ZNF736: variants seen among roughly 807,000 people sequenced by gnomAD.
ZNF736 encodes zinc finger protein 736, also known as KRAB-containing zinc-finger repressor protein.
Under a neutral mutation model 11.7 loss-of-function variants are expected in ZNF736, and 6 were observed. That is an observed-to-expected ratio of 0.51 (90% CI 0.28 to 1.01). The LOEUF (loss-of-function observed/expected upper bound fraction) is 1.01. Among genes scored for constraint, ZNF736 ranks in the 50% least tolerant of loss-of-function variants. ZNF736 has a pLI of 0.09. For missense variants in ZNF736, 444 were observed against 496.0 expected (o/e 0.90, Z 1.00); for synonymous variants, 139 against 164.7 (o/e 0.84, Z 1.19).
intron 1 of ZNF736, among the ~76,000 whole-genome samples, chr7:64,317,563 A>T (rs1788934895): frequency 6.6e-6 from 1 of 152,166 alleles, no homozygotes; most frequent in South Asian, 2.1e-4. Context: ...ATTTAGTGGC[A>T]CAGGTACTGG....
At position 64,337,043 on chromosome 7, in the gene ZNF736, C is replaced by T. The variant is rs532322494; in HGVS notation, c.226+61C>T. 1.7e-5 allele frequency: 24 copies of T among 1,390,330 alleles called. No homozygotes were observed. In the South Asian group the frequency reaches 2.8e-4, roughly 16 times the overall value. The allele number at this position is 1,390,330 out of a possible 1,614,324, so 86.1% of individuals were successfully genotyped here. A position where few individuals can be genotyped will look rare whatever the true frequency, so the allele number is the denominator to read the frequency against. On this transcript the variant is annotated intron_variant, in intron 3 of 3. Transcript: ENST00000423484. ...ACGGATCCCAATGTCAAGGAGGAAG[C>T]CAAACCTTTAAACATGCTTCCAGAA... is the stretch of plus-strand genomic sequence containing the variant.
At chr7:64,338,556 C>T (rs1789291804) in intron 3 of ZNF736, among the ~76,000 whole-genome samples, 2 of 152,092 alleles carry the variant, frequency 1.3e-5, no homozygotes, top group Admixed American at 6.6e-5. Context: ...TCTAGGAGTC[C>T]AACCTTATTA....
intron 3 of ZNF736, among the ~76,000 whole-genome samples, chr7:64,342,123 T>A (rs1301373259): frequency 1.3e-5 from 2 of 152,182 alleles, no homozygotes; most frequent in Non-Finnish European, 2.9e-5. Context: ...ATCTAAATAA[T>A]CTAACTGCTC....
intron 3 of ZNF736, among the ~76,000 whole-genome samples, chr7:64,338,196 C>A (rs1173311148): frequency 6.6e-6 from 1 of 152,072 alleles, no homozygotes; most frequent in Non-Finnish European, 1.5e-5. Flanking sequence ...GTGTATGACA[C>A]ACATATAATC....
At position 64,314,096 on chromosome 7, in the gene ZNF736, C is replaced by T. The variant is rs1788876525; in HGVS notation, c.-55C>T. Reference sequence around the variant, plus strand: ...ACTATAGCTTCTGTTATCCTGTGACCTGCAGGTACTGGGAGATCCATAGGG... The same window carrying T: ...ACTATAGCTTCTGTTATCCTGTGACTTGCAGGTACTGGGAGATCCATAGGG... On this transcript the variant is annotated 5_prime_UTR_variant, in exon 1 of 4. Coordinates refer to ENST00000423484, the MANE Select transcript of ZNF736 (RefSeq NM_001170905.3). The T allele has an allele frequency of 1.3e-6, 2 of 1,551,312 alleles. No homozygotes were observed. Among genetic ancestry groups the T allele is most frequent in the East Asian group, 2.4e-5 (1 of 40,918 alleles).
chr7:64,339,659 C>A (rs1369511996), intron 3 of ZNF736, among the ~76,000 whole-genome samples: 1 of 136,036 alleles, frequency 7.4e-6, no homozygotes, highest in Non-Finnish European at 1.7e-5. Context: ...CATTTTTATG[C>A]ACACATCATC....
intron 1 of ZNF736, among the ~76,000 whole-genome samples, chr7:64,324,621 G>C (rs1789058078): frequency 6.6e-6 from 1 of 152,150 alleles, no homozygotes; most frequent in South Asian, 2.1e-4. Context: ...CAAGTGCCTA[G>C]AGGACTTTAG....
intron 3 of ZNF736, among the ~76,000 whole-genome samples, chr7:64,340,303 C>T (rs1789319651): frequency 6.6e-6 from 1 of 152,190 alleles, no homozygotes; most frequent in African/African-American, 2.4e-5. Context: ...TGCAGACCTA[C>T]TGCTGTAACC....
chr7:64,325,206 T>A (rs1275791180), intron 1 of ZNF736, among the ~76,000 whole-genome samples: 1 of 152,158 alleles, frequency 6.6e-6, no homozygotes, highest in Non-Finnish European at 1.5e-5. Context: ...TTGTAACCAA[T>A]TAATTTTTTG....
intron 3 of ZNF736, among the ~76,000 whole-genome samples, chr7:64,347,074 A>G (rs1001450444): frequency 6.6e-6 from 1 of 152,016 alleles, no homozygotes; most frequent in Non-Finnish European, 1.5e-5. Context: ...ATAAAAAGCC[A>G]CATGTCAAAA....
At chr7:64,317,021 A>C (rs1788927305) in intron 1 of ZNF736, among the ~76,000 whole-genome samples, 1 of 152,232 alleles carries the variant, frequency 6.6e-6, no homozygotes, top group Non-Finnish European at 1.5e-5. Flanking sequence ...AAATTACAAA[A>C]CATTCATGAA....
At chr7:64,318,476 G>A (rs185962490) in intron 1 of ZNF736, among the ~76,000 whole-genome samples, 1 of 151,892 alleles carries the variant, frequency 6.6e-6, no homozygotes, top group African/African-American at 2.4e-5. Flanking sequence ...AAAATCTCAT[G>A]AAACAGACTA....
rs1234439504 is a variant in ZNF736, at chr7:64,349,263, G to T, written c.*116G>T. 2 of 959,508 alleles carry T rather than the reference G, an allele frequency of 2.1e-6. No homozygotes were observed. The highest frequency in any genetic ancestry group is 3.0e-6 in the Non-Finnish European group (2 of 674,152). The allele number at this position is 959,508 out of a possible 1,614,324, so 59.4% of individuals were successfully genotyped here. ...GGAAGAACATTTATCATCTTAGAGG[G>T]TCTCTAAGAACTTACTTTATAATCT... On this transcript the variant is annotated 3_prime_UTR_variant, in exon 4 of 4. Coordinates refer to ENST00000423484, the MANE Select transcript of ZNF736 (RefSeq NM_001170905.3).
intron 1 of ZNF736, 140 bp downstream of exon 1, chr7:64,314,293 C>T (rs1042224529): frequency 3.7e-6 from 4 of 1,093,696 alleles, no homozygotes; most frequent in South Asian, 3.2e-5. Context: ...ACAGCTCAAT[C>T]CTCATTTCCC....
At chr7:64,338,659 A>G (rs533399378) in intron 3 of ZNF736, among the ~76,000 whole-genome samples, 1 of 151,830 alleles carries the variant, frequency 6.6e-6, no homozygotes, top group South Asian at 2.1e-4. Flanking sequence ...ATGTTGTAGA[A>G]TGTCAGGGTT....
Position 64,354,464 on chromosome 7 carries a change from T to C in ZNF736, c.*5317T>C, listed in dbSNP as rs146453040. ...CCAGCAAACCAGAAACTTCAGAGAT[T>C]TTGAAAGCAAATCTATTTTCTCTGC... On this transcript the variant is annotated 3_prime_UTR_variant, in exon 4 of 4. Coordinates refer to ENST00000423484, the MANE Select transcript of ZNF736 (RefSeq NM_001170905.3). The C allele has an allele frequency of 3.3e-5, 5 of 152,314 alleles. No homozygotes were observed. Among genetic ancestry groups the C allele is most frequent in the African/African-American group, 9.6e-5 (4 of 41,584 alleles). The allele number at this position is 152,314 out of a possible 1,614,324, so 9.4% of individuals were successfully genotyped here. A position where few individuals can be genotyped will look rare whatever the true frequency, so the allele number is the denominator to read the frequency against.
chr7:64,319,454 A>G (rs1344406660), intron 1 of ZNF736, among the ~76,000 whole-genome samples: 1 of 138,136 alleles, frequency 7.2e-6, no homozygotes, highest in Non-Finnish European at 1.6e-5. Flanking sequence ...TTTTAAAATT[A>G]GATTTTACCC....
In ZNF736 at chr7:64,349,083, G is replaced by A; in HGVS notation, c.1220G>A (p.Ser407Asn). Residue 407 changes from serine to asparagine, a missense_variant, in exon 4 of 4, where the codon AGC becomes AAC. Coordinates refer to ENST00000423484, the MANE Select transcript of ZNF736 (RefSeq NM_001170905.3). The stretch of plus-strand genomic sequence containing the variant: ...TGTGAAGAATGTGGCAAAGCATCGA[G>A]CTGGTTCTCACACCTCATCAGACAT... ...YKCEECGKAS[S>N]WFSHLIRHKR... 1.2e-6 allele frequency: 2 copies of A among 1,600,224 alleles called. No homozygotes were observed. Among genetic ancestry groups the A allele is most frequent in the Non-Finnish European group, 1.7e-6 (2 of 1,172,716 alleles).
chr7:64,325,167 TAA>T (rs35847954), intron 1 of ZNF736, among the ~76,000 whole-genome samples: 184 of 148,542 alleles, frequency 1.2e-3, no homozygotes, highest in Non-Finnish European at 1.3e-3. Flanking sequence ...AAACCAGTTG[TAA>T]AAAAAAAAAA....
Sources: allele counts gnomAD v4.1 joint callset (sites outside exome capture counted in the v4.1 genomes callset), GRCh38; gene constraint gnomAD v4.1.1; transcripts MANE v1.5; gene names NCBI Gene and HGNC (gene_info 2026-07-23, HGNC 2026-07-21).